WDFY3: variants seen among roughly 807,000 people sequenced by gnomAD.
WDFY3 encodes WD repeat and FYVE domain-containing protein 3.
Under a neutral mutation model 409.6 loss-of-function variants are expected in WDFY3, and 66 were observed. The observed-to-expected ratio is 0.16, with a 90% CI of 0.13 to 0.20. The LOEUF is 0.20. WDFY3 is among the 10% of genes least tolerant of loss of function. WDFY3 has a pLI of 1.00. For missense variants in WDFY3, 3,031 were observed against 4,298.1 expected, an observed-to-expected ratio of 0.71 and a Z score of 8.24; for synonymous variants, 1,521 against 1,537.1, an observed-to-expected ratio of 0.99 and a Z score of 0.25.
At chr4:84,763,389 G>C (rs1472775195) in intron 32 of WDFY3, among the ~76,000 whole-genome samples, 1 of 149,820 alleles carries the variant, frequency 6.7e-6, no homozygotes, top group Admixed American at 6.8e-5. Context: ...GTAGGGTGGG[G>C]GTTAAGGGGA....
chr4:84,734,673 C>T (rs1156661046), intron 43 of WDFY3, among the ~76,000 whole-genome samples: 2 of 152,150 alleles, frequency 1.3e-5, no homozygotes, highest in Non-Finnish European at 2.9e-5. Flanking sequence ...AGAGACTTCT[C>T]AGAGACTTGG....
At chr4:84,798,242 A>T in intron 17 of WDFY3, 134 bp from the exon 18 acceptor site, 1 of 683,896 alleles carries the variant, frequency 1.5e-6, no homozygotes, top group Non-Finnish European at 2.4e-6. Flanking sequence ...ATAATAAAAC[A>T]ATATAGTGTT....
intron 22 of WDFY3, 48 bp from the exon 23 acceptor site, chr4:84,787,761 A>T (rs766659116): frequency 6.7e-7 from 1 of 1,486,606 alleles, no homozygotes; most frequent in Non-Finnish European, 9.3e-7. Flanking sequence ...CACTTTCCCC[A>T]GGAAAATAAC....
At chr4:84,965,419 C>A (rs1181382627) in intron 1 of WDFY3, among the ~76,000 whole-genome samples, 1 of 152,182 alleles carries the variant, frequency 6.6e-6, no homozygotes, top group Non-Finnish European at 1.5e-5. Flanking sequence ...AGTAAATATC[C>A]TTTCAATCTG....
intron 21 of WDFY3, 128 bp from the exon 22 acceptor site, chr4:84,790,035 T>A: frequency 9.6e-7 from 1 of 1,041,398 alleles, no homozygotes; most frequent in Non-Finnish European, 1.4e-6. Flanking sequence ...ATTTGAGTAA[T>A]AATACAACTC....
intron 59 of WDFY3, 24 bp downstream of exon 59, chr4:84,692,861 A>G (rs778326104): frequency 4.6e-5 from 72 of 1,571,362 alleles, no homozygotes; most frequent in Non-Finnish European, 4.4e-5. Context: ...TCATTAATCA[A>G]AAGTTTATTT....
chr4:84,757,326 A>C (rs1210447017), intron 32 of WDFY3, among the ~76,000 whole-genome samples, 165 bp from the exon 33 acceptor site: 1 of 152,234 alleles, frequency 6.6e-6, no homozygotes, highest in Non-Finnish European at 1.5e-5. Flanking sequence ...TTCAGTTAAA[A>C]GTTTTACTTT....
At chr4:84,779,136 G>A (rs940000095) in intron 26 of WDFY3, among the ~76,000 whole-genome samples, 2 of 152,034 alleles carry the variant, frequency 1.3e-5, no homozygotes, top group African/African-American at 4.8e-5. Flanking sequence ...AGTATAATTA[G>A]TCATTCTCTT....
chr4:84,724,648 G>GT, intron 45 of WDFY3, 54 bp from the exon 46 acceptor site: 1 of 1,572,062 alleles, frequency 6.4e-7, no homozygotes, highest in South Asian at 1.2e-5. Context: ...GAATTAAAAC[G>GT]TAATATTCTT....
At chr4:84,861,773 T>A (rs966202657) in intron 3 of WDFY3, among the ~76,000 whole-genome samples, 3 of 152,146 alleles carry the variant, frequency 2.0e-5, no homozygotes, top group African/African-American at 4.8e-5. Context: ...AACCATTGAG[T>A]TAAAGTATAC....
At chr4:84,737,116 T>C (rs1737578146) in intron 41 of WDFY3, 68 bp downstream of exon 41, 3 of 1,551,436 alleles carry the variant, frequency 1.9e-6, no homozygotes, top group East Asian at 4.5e-5. Context: ...TAGTCACATA[T>C]TTAAAGTATA....
chr4:84,941,707 C>T (rs976424902), intron 1 of WDFY3, among the ~76,000 whole-genome samples: 1 of 149,668 alleles, frequency 6.7e-6, no homozygotes, highest in African/African-American at 2.5e-5. Flanking sequence ...AAAAAGAAAT[C>T]AAGAATAGTC....
intron 22 of WDFY3, among the ~76,000 whole-genome samples, chr4:84,789,051 A>G (rs1459877508): frequency 6.6e-6 from 1 of 152,088 alleles, no homozygotes; most frequent in Non-Finnish European, 1.5e-5. Flanking sequence ...ATAAAATAAA[A>G]TAAAATAAAA....
At chr4:84,794,033 C>G (rs1388202238) in intron 21 of WDFY3, among the ~76,000 whole-genome samples, 2 of 152,082 alleles carry the variant, frequency 1.3e-5, no homozygotes, top group African/African-American at 4.8e-5. Context: ...TTCTACTGTA[C>G]AGCACTGTAA....
At chr4:84,860,656 A>T in intron 3 of WDFY3, 34 bp from the exon 4 acceptor site, 3 of 1,474,166 alleles carry the variant, frequency 2.0e-6, no homozygotes, top group Non-Finnish European at 9.1e-7. Flanking sequence ...AACAGTCAAA[A>T]CATCATCATC....
intron 3 of WDFY3, among the ~76,000 whole-genome samples, chr4:84,893,867 G>A (rs1357833045): frequency 6.6e-6 from 1 of 152,042 alleles, no homozygotes; most frequent in Admixed American, 6.5e-5. Flanking sequence ...GCCAGCGCCT[G>A]TAATCCCAGC....
chr4:84,837,145 A>G, intron 6 of WDFY3, 55 bp from the exon 7 acceptor site: 1 of 1,344,170 alleles, frequency 7.4e-7, no homozygotes, highest in Non-Finnish European at 9.7e-7. Context: ...TAATTGGTAC[A>G]GCCAAATAAT....
rs895909927 is a variant in WDFY3 at position 84,850,006 on chromosome 4, G to A, written c.200C>T (p.Pro67Leu). 1.0e-5 allele frequency: 16 copies of A among 1,597,866 alleles called. No individual in the cohort carries two copies. Among genetic ancestry groups the A allele is most frequent in the Non-Finnish European group, 4.3e-6 (5 of 1,172,560 alleles). ...VFNRVFGNAP[P>L]NTMTEKFSDL... Reference sequence around the variant, plus strand: ...AGAAAATTTTTCTGTCATTGTATTCGGCGGAGCATTTCCAAAAACCTGTAG... The same window carrying A: ...AGAAAATTTTTCTGTCATTGTATTCAGCGGAGCATTTCCAAAAACCTGTAG... Residue 67 changes from proline (P) to leucine (L), a missense_variant, in exon 5 of 68, where the codon CCG becomes CTG. Transcript: ENST00000295888.
At chr4:84,963,770 A>G (rs1775244915) in intron 1 of WDFY3, among the ~76,000 whole-genome samples, 1 of 152,244 alleles carries the variant, frequency 6.6e-6, no homozygotes, top group Non-Finnish European at 1.5e-5. Flanking sequence ...CTCTAACTTC[A>G]GACAGTCTGG....
Sources: gnomAD v4.1 joint callset for allele counts (sites outside exome capture counted in the v4.1 genomes callset) on GRCh38, gnomAD v4.1.1 for gene constraint, MANE v1.5 for transcripts, NCBI Gene and HGNC (gene_info 2026-07-23, HGNC 2026-07-21) for gene names.